PHACTR1: variants seen among roughly 807,000 people sequenced by gnomAD.
PHACTR1 encodes the protein phosphatase and actin regulator 1.
A neutral mutation model predicts 69.2 loss-of-function variants in PHACTR1; 16 were observed. The observed-to-expected ratio is 0.23, with a 90% confidence interval of 0.16 to 0.35. The LOEUF is 0.35. PHACTR1 is among the 10% of genes least tolerant of loss of function. The pLI, the probability that PHACTR1 is intolerant of heterozygous loss-of-function variation, is 1.00. For missense variants in PHACTR1, 510 were observed against 734.7 expected (o/e 0.69, Z 3.54); for synonymous variants, 312 against 284.5 (o/e 1.10, Z -0.97).
chr6:12,875,849 CT>C (rs1159943648), intron 4 of PHACTR1, among the ~76,000 whole-genome samples: 1 of 152,052 alleles, frequency 6.6e-6, no homozygotes. Context: ...TTCTGTGTTG[CT>C]TATGAATCTC....
chr6:13,096,570 C>T (rs1814282777), intron 5 of PHACTR1, among the ~76,000 whole-genome samples: 1 of 152,088 alleles, frequency 6.6e-6, no homozygotes, highest in African/African-American at 2.4e-5. Context: ...GCTGTGGACA[C>T]TTGAAAAATA....
chr6:12,760,437 C>T (rs547125921), intron 4 of PHACTR1, among the ~76,000 whole-genome samples: 3 of 152,070 alleles, frequency 2.0e-5, no homozygotes, highest in Non-Finnish European at 4.4e-5. Flanking sequence ...TACAAATGGC[C>T]ACGTGGAAAT....
chr6:12,866,044 C>T (rs1781421872), intron 4 of PHACTR1, among the ~76,000 whole-genome samples: 1 of 152,152 alleles, frequency 6.6e-6, no homozygotes, highest in Non-Finnish European at 1.5e-5. Flanking sequence ...GAGAGTGATT[C>T]CGGAGGGAGA....
chr6:13,224,589 A>G (rs1028237862), intron 8 of PHACTR1, among the ~76,000 whole-genome samples: 4 of 152,176 alleles, frequency 2.6e-5, no homozygotes, highest in Admixed American at 6.5e-5. Flanking sequence ...GGTAATAACT[A>G]TGTTATAAAA....
At chr6:12,955,262 A>C (rs999089372) in intron 4 of PHACTR1, among the ~76,000 whole-genome samples, 99 of 139,946 alleles carry the variant, frequency 7.1e-4, no homozygotes, top group Admixed American at 1.6e-3. Flanking sequence ...GCAGTAGTAC[A>C]GTCGTGGCTC....
intron 9 of PHACTR1, among the ~76,000 whole-genome samples, chr6:13,228,625 G>A (rs1770225384): frequency 6.6e-6 from 1 of 152,170 alleles, no homozygotes; most frequent in Non-Finnish European, 1.5e-5. Context: ...CTGATATTTG[G>A]CCAACTTTTT....
rs56040224 is a variant in PHACTR1, at chr6:13,190,023, CT to C, written c.664+7356del. ...AAAGAGATCTCTGATATCTCTTCTG[CT>C]TTTTTTTTTTTTTTTTTTAAAACAG... On this transcript the variant is annotated intron_variant, in intron 7 of 14. Coordinates refer to ENST00000332995, the MANE Select transcript of PHACTR1 (RefSeq NM_030948.6). Among the ~76,000 whole-genome samples, 1,055 of 123,798 alleles carry C rather than the reference CT, an allele frequency of 8.5e-3. 11 individuals carry two copies. Among genetic ancestry groups the C allele is most frequent in the African/African-American group, 0.027 (827 of 31,088 alleles). The allele number at this position is 123,798 out of a possible 152,430, so 81.2% of individuals were successfully genotyped here. A position where few individuals can be genotyped will look rare whatever the true frequency, so the allele number is the denominator to read the frequency against.
intron 4 of PHACTR1, among the ~76,000 whole-genome samples, chr6:12,929,793 A>G (rs1416648212): frequency 6.6e-6 from 1 of 152,200 alleles, no homozygotes; most frequent in Non-Finnish European, 1.5e-5. Flanking sequence ...ATCAGCCTCT[A>G]CTGAGATTGC....
chr6:13,243,724 A>G (rs1194078738), intron 10 of PHACTR1, among the ~76,000 whole-genome samples: 6 of 152,200 alleles, frequency 3.9e-5, no homozygotes, highest in African/African-American at 1.4e-4. Flanking sequence ...GTAGTTTGGT[A>G]GTTTTTTGAT....
intron 6 of PHACTR1, among the ~76,000 whole-genome samples, chr6:13,174,586 A>G (rs920507696): frequency 3.0e-4 from 46 of 152,258 alleles, no homozygotes; most frequent in Admixed American, 1.6e-3. Flanking sequence ...TACAAGAACT[A>G]ACAGTTAAGA....
chr6:12,950,356 G>A (rs1484811423), intron 4 of PHACTR1, among the ~76,000 whole-genome samples: 2 of 152,198 alleles, frequency 1.3e-5, no homozygotes, highest in African/African-American at 4.8e-5. Context: ...TGGCATCTCT[G>A]CAGTCCCACA....
chr6:12,953,033 A>C (rs935826058), intron 4 of PHACTR1, among the ~76,000 whole-genome samples: 1 of 152,130 alleles, frequency 6.6e-6, no homozygotes, highest in African/African-American at 2.4e-5. Flanking sequence ...TCAAAGCTAC[A>C]ATATTCTTGC....
intron 5 of PHACTR1, among the ~76,000 whole-genome samples, chr6:13,079,684 TC>T (rs1300827641): frequency 6.6e-6 from 1 of 152,078 alleles, no homozygotes. Flanking sequence ...ATTATGGGGT[TC>T]CCATGAGACC....
chr6:13,014,130 G>T (rs1799827738), intron 4 of PHACTR1, among the ~76,000 whole-genome samples: 1 of 152,040 alleles, frequency 6.6e-6, no homozygotes, highest in African/African-American at 2.4e-5. Flanking sequence ...GGGGGAGGAC[G>T]CCCGGGACGG....
chr6:13,003,833 C>T (rs1368042850), intron 4 of PHACTR1, among the ~76,000 whole-genome samples: 2 of 151,086 alleles, frequency 1.3e-5, no homozygotes, highest in Non-Finnish European at 2.9e-5. Context: ...TAAGTGAGAA[C>T]ATGTGGTATT....
chr6:13,184,383 T>A (rs1313264776), intron 7 of PHACTR1, among the ~76,000 whole-genome samples: 5 of 152,180 alleles, frequency 3.3e-5, no homozygotes, highest in African/African-American at 2.4e-5. Context: ...GCTGCTGGCA[T>A]TCAGTTCTGG....
chr6:13,112,844 G>A (rs1817251688), intron 5 of PHACTR1, among the ~76,000 whole-genome samples: 1 of 152,126 alleles, frequency 6.6e-6, no homozygotes, highest in South Asian at 2.1e-4. Flanking sequence ...TCTGTTGATA[G>A]TTTCTTTTGC....
chr6:13,131,075 G>T (rs1254418138), intron 5 of PHACTR1, among the ~76,000 whole-genome samples: 1 of 151,682 alleles, frequency 6.6e-6, no homozygotes. Flanking sequence ...CATCTCAATA[G>T]GTTCAGAAAA....
At position 13,122,516 on chromosome 6, in the gene PHACTR1, G is replaced by A. The variant is rs1441489472; in HGVS notation, c.416-37688G>A. Among the ~76,000 whole-genome samples, 5 of 152,278 alleles carry A rather than the reference G, an allele frequency of 3.3e-5. No individual in the cohort carries two copies. In the South Asian group the frequency reaches 8.3e-4, roughly 25 times the overall value. On this transcript the variant is annotated intron_variant, in intron 5 of 14. Coordinates refer to ENST00000332995, the MANE Select transcript of PHACTR1 (RefSeq NM_030948.6). ...ACAATGTCAAGCTATTGATATATTG[G>A]CTTACCCAATACAGGACTTTCCCGC...
Sources: gnomAD v4.1 joint callset for allele counts (sites outside exome capture counted in the v4.1 genomes callset) on GRCh38, gnomAD v4.1.1 for gene constraint, MANE v1.5 for transcripts, NCBI Gene and HGNC (gene_info 2026-07-23, HGNC 2026-07-21) for gene names.